WDR12: variants seen among roughly 807,000 people sequenced by gnomAD.
WDR12 encodes ribosome biogenesis protein WDR12.
Under a neutral mutation model 64.3 loss-of-function variants are expected in WDR12, and 42 were observed. The observed-to-expected ratio is 0.65, with a 90% confidence interval of 0.51 to 0.84. The LOEUF (loss-of-function observed/expected upper bound fraction) is 0.84. WDR12 is among the 40% of genes least tolerant of loss of function. WDR12 has a pLI of 0.00. For synonymous variants in WDR12, 158 were observed against 173.3 expected (o/e 0.91, Z 0.70); for missense variants, 469 against 494.6 (o/e 0.95, Z 0.49).
In WDR12 at chr2:202,883,699, C is replaced by G; in HGVS notation, c.1031G>C (p.Trp344Ser). The G allele has an allele frequency of 2.5e-6, 4 of 1,613,880 alleles. No individual in the cohort carries two copies. Among genetic ancestry groups the G allele is most frequent in the Non-Finnish European group, 3.4e-6 (4 of 1,179,834 alleles). Residue 344 changes from tryptophan to serine, a missense_variant, in exon 11 of 13, where the codon TGG (tryptophan) becomes TCG (serine). By Grantham distance (177) the Trp-to-Ser change is radical. Coordinates refer to ENST00000261015, the MANE Select transcript of WDR12 (RefSeq NM_018256.4). The stretch of plus-strand genomic sequence containing the variant: ...AGGAGACCATTTTACTGATGTCACC[C>G]AACCAGTATGTGACGTTAGGGACAG... ...VSLSLTSHTG[W>S]VTSVKWSPTH...
rs965681053 is a variant in WDR12, at chr2:202,877,100, A to G, written c.*3760T>C. ...TTATTATCAGAAATTCCCAGATGGTATATATATATATATATTTTTTTTTTT... is the reference window on the plus strand; with the variant it reads ...TTATTATCAGAAATTCCCAGATGGTGTATATATATATATATTTTTTTTTTT... On this transcript the variant is annotated 3_prime_UTR_variant, in exon 13 of 13. Coordinates refer to ENST00000261015, the MANE Select transcript of WDR12 (RefSeq NM_018256.4). 9 of 68,182 alleles carry G rather than the reference A, an allele frequency of 1.3e-4. No individual in the cohort carries two copies. The highest frequency in any genetic ancestry group is 3.9e-4 in the African/African-American group (8 of 20,400). 4.2% of individuals were successfully genotyped at this position (68,182 alleles called of 1,614,324 possible).
intron 4 of WDR12, 130 bp downstream of exon 4, chr2:202,899,401 G>T: frequency 1.3e-6 from 1 of 792,000 alleles, no homozygotes; most frequent in Non-Finnish European, 2.0e-6. Flanking sequence ...CATGGCCACT[G>T]ATACAGAGAT....
chr2:202,890,080 T>C (rs2105905543), intron 8 of WDR12, among the ~76,000 whole-genome samples: 1 of 150,082 alleles, frequency 6.7e-6, no homozygotes, highest in African/African-American at 2.5e-5. Context: ...AAAGAAAAAT[T>C]AGTTGGGTAT....
chr2:202,883,222 G>A (rs562668430), intron 11 of WDR12, among the ~76,000 whole-genome samples: 25 of 152,182 alleles, frequency 1.6e-4, no homozygotes, highest in East Asian at 3.9e-4. Flanking sequence ...TGCAACCTCC[G>A]CCTCCTGGGT....
At chr2:202,892,750 G>T (rs757368349) in intron 7 of WDR12, 48 bp from the exon 8 acceptor site, 1 of 1,359,950 alleles carries the variant, frequency 7.4e-7, no homozygotes, top group East Asian at 2.3e-5. Context: ...AGTATTAATC[G>T]TGAACTGTCT....
intron 2 of WDR12, among the ~76,000 whole-genome samples, chr2:202,905,318 G>T (rs1008121889): frequency 2.6e-5 from 4 of 152,188 alleles, no homozygotes; most frequent in African/African-American, 9.7e-5. Context: ...GCTAATTTTT[G>T]TATTTGTAGT....
intron 8 of WDR12, among the ~76,000 whole-genome samples, chr2:202,887,602 T>C (rs1430731578): frequency 1.3e-5 from 2 of 152,048 alleles, no homozygotes; most frequent in African/African-American, 4.8e-5. Flanking sequence ...GAAAATGACA[T>C]GGTAGGCCGG....
Position 202,884,228 on chromosome 2 carries a change from G to A in WDR12, c.958C>T (p.His320Tyr), listed in dbSNP as rs748259196. ...GTTCGGGGATCCCACAGTCTGATAT[G>A]CCTATCTGTGCTTCCAGATGCTAAA... ...KRLASGSTDR[H>Y]IRLWDPRTKD... Residue 320 changes from histidine to tyrosine, a missense_variant, in exon 10 of 13, where the codon CAT becomes TAT. Coordinates refer to ENST00000261015, the MANE Select transcript of WDR12 (RefSeq NM_018256.4). The A allele has an allele frequency of 3.7e-6, 6 of 1,613,310 alleles. No individual in the cohort carries two copies. The highest frequency in any genetic ancestry group is 2.2e-5 in the East Asian group (1 of 44,890).
rs1377946767 is a variant in WDR12 at position 202,875,640 on chromosome 2, A to T, written c.*5220T>A. The T allele has an allele frequency of 6.6e-6, 1 of 152,200 alleles. No homozygotes were observed. Among genetic ancestry groups the T allele is most frequent in the Non-Finnish European group, 1.5e-5 (1 of 68,044 alleles). The allele number at this position is 152,200 out of a possible 1,614,324, so 9.4% of individuals were successfully genotyped here. ...CGACCTCAGATGATATGCCCACCTCAGCCTCCCAAAATGTTGGGATTACAG... is the reference window on the plus strand; with the variant it reads ...CGACCTCAGATGATATGCCCACCTCTGCCTCCCAAAATGTTGGGATTACAG... On this transcript the variant is annotated 3_prime_UTR_variant, in exon 13 of 13. Transcript: ENST00000261015.
chr2:202,890,306 C>T (rs1688131720), intron 8 of WDR12, among the ~76,000 whole-genome samples: 1 of 152,092 alleles, frequency 6.6e-6, no homozygotes, highest in African/African-American at 2.4e-5. Context: ...TTACAGATAT[C>T]ATATGAAATT....
At chr2:202,890,551 C>T (rs1321438126) in intron 8 of WDR12, among the ~76,000 whole-genome samples, 2 of 151,954 alleles carry the variant, frequency 1.3e-5, no homozygotes, top group East Asian at 1.9e-4. Flanking sequence ...GGGTGGATCA[C>T]GAGGTCAGGA....
At chr2:202,904,833 A>G (rs1688424749) in intron 2 of WDR12, among the ~76,000 whole-genome samples, 1 of 152,234 alleles carries the variant, frequency 6.6e-6, no homozygotes, top group African/African-American at 2.4e-5. Context: ...ATGCGATCCC[A>G]TCAGGTTAAA....
intron 12 of WDR12, among the ~76,000 whole-genome samples, chr2:202,882,358 G>A (rs1441434536): frequency 6.7e-6 from 1 of 149,892 alleles, no homozygotes; most frequent in Admixed American, 6.6e-5. Flanking sequence ...TTCTTGAGAT[G>A]GAGTCTATCT....
chr2:202,881,230 C>T (rs1434692121), intron 12 of WDR12, among the ~76,000 whole-genome samples: 6 of 151,992 alleles, frequency 3.9e-5, no homozygotes, highest in Non-Finnish European at 1.5e-5. Context: ...TACAGTTTTA[C>T]CTATTAAAGA....
intron 8 of WDR12, among the ~76,000 whole-genome samples, chr2:202,886,152 TA>T (rs573306527): frequency 0.11 from 13,850 of 131,712 alleles, 736 homozygotes; most frequent in Non-Finnish European, 0.14. Context: ...ATCTTGTCTC[TA>T]AAAAAAAAAA....
chr2:202,907,314 T>A (rs928400071), intron 2 of WDR12, among the ~76,000 whole-genome samples: 1 of 152,228 alleles, frequency 6.6e-6, no homozygotes, highest in East Asian at 1.9e-4. Context: ...AAATAACTTA[T>A]ATTAGTACAA....
intron 10 of WDR12, 59 bp downstream of exon 10, chr2:202,884,139 A>G: frequency 6.5e-7 from 1 of 1,532,094 alleles, no homozygotes; most frequent in Non-Finnish European, 9.0e-7. Flanking sequence ...ACATCTCCAG[A>G]GAGATGAGAA....
chr2:202,893,945 A>G (rs1424917939), intron 7 of WDR12, among the ~76,000 whole-genome samples: 1 of 152,196 alleles, frequency 6.6e-6, no homozygotes, highest in East Asian at 1.9e-4. Context: ...CTCAAAAGTC[A>G]TTCTTACATT....
At chr2:202,883,464 T>A in intron 11 of WDR12, 145 bp downstream of exon 11, 1 of 1,040,230 alleles carries the variant, frequency 9.6e-7, no homozygotes. Context: ...GGCTTTTCTT[T>A]TGCATATCAG....
Sources: allele counts gnomAD v4.1 joint callset (sites outside exome capture counted in the v4.1 genomes callset), GRCh38; gene constraint gnomAD v4.1.1; transcripts MANE v1.5; gene names NCBI Gene and HGNC (gene_info 2026-07-23, HGNC 2026-07-21).